Variants in ZNF804B observed in about 807,000 individuals in gnomAD.
The protein encoded by ZNF804B is zinc finger protein 804B.
In ZNF804B, 80 loss-of-function variants were observed where a neutral mutation model predicts 101.4. That is an observed-to-expected ratio of 0.79 (90% CI 0.66 to 0.95). The LOEUF (loss-of-function observed/expected upper bound fraction) is 0.95. Among genes scored for constraint, ZNF804B ranks in the 40% least tolerant of loss-of-function variants. The pLI, the probability that ZNF804B is intolerant of heterozygous loss-of-function variation, is 0.00. For missense variants in ZNF804B, 1,673 were observed against 1,561.9 expected, an observed-to-expected ratio of 1.07 and a Z score of -1.20; for synonymous variants, 622 against 558.8, an observed-to-expected ratio of 1.11 and a Z score of -1.59.
chr7:89,111,207 A>G (rs994810506), intron 1 of ZNF804B, among the ~76,000 whole-genome samples: 1 of 152,212 alleles, frequency 6.6e-6, no homozygotes, highest in African/African-American at 2.4e-5. Context: ...AGGTTTTTGT[A>G]TGGACATAAA....
chr7:89,042,396 G>C (rs1032481717), intron 1 of ZNF804B, among the ~76,000 whole-genome samples: 1 of 152,120 alleles, frequency 6.6e-6, no homozygotes, highest in Non-Finnish European at 1.5e-5. Flanking sequence ...ATGAAAAGTG[G>C]TTAAAGTTGT....
chr7:89,223,800 G>A (rs986051961), intron 2 of ZNF804B, among the ~76,000 whole-genome samples: 1 of 151,756 alleles, frequency 6.6e-6, no homozygotes, highest in African/African-American at 2.4e-5. Flanking sequence ...TTCTAGCTTT[G>A]ACAAGCCACT....
intron 1 of ZNF804B, among the ~76,000 whole-genome samples, chr7:89,078,810 C>G (rs1388027587): frequency 6.6e-6 from 1 of 151,812 alleles, no homozygotes; most frequent in African/African-American, 2.4e-5. Flanking sequence ...GTCTTTCTAA[C>G]CTCCCTTCTT....
chr7:88,878,600 AT>A (rs1218971684), intron 1 of ZNF804B, among the ~76,000 whole-genome samples: 5 of 152,228 alleles, frequency 3.3e-5, no homozygotes, highest in Non-Finnish European at 4.4e-5. Flanking sequence ...TTTCTTTTGC[AT>A]TTTTTTAATC....
intron 1 of ZNF804B, among the ~76,000 whole-genome samples, chr7:88,859,953 T>C (rs1430081206): frequency 4.0e-5 from 6 of 151,802 alleles, no homozygotes; most frequent in East Asian, 1.9e-4. Context: ...TGTAAATTTC[T>C]CTATTGAGAA....
chr7:89,228,843 C>T (rs34347305), intron 2 of ZNF804B, among the ~76,000 whole-genome samples: 18,608 of 152,122 alleles, frequency 0.12, 1,224 homozygotes, highest in Middle Eastern at 0.25. Context: ...GAGGCTCCGG[C>T]GGCACAGGGG....
chr7:88,857,798 T>A (rs1370986757), intron 1 of ZNF804B, among the ~76,000 whole-genome samples: 1 of 151,126 alleles, frequency 6.6e-6, no homozygotes, highest in East Asian at 1.9e-4. Context: ...CTTTCTTCCC[T>A]TTCTTTCTCC....
chr7:89,005,276 T>C (rs1012279563), intron 1 of ZNF804B, among the ~76,000 whole-genome samples: 1 of 152,038 alleles, frequency 6.6e-6, no homozygotes, highest in African/African-American at 2.4e-5. Context: ...TACAAAGCAC[T>C]GAGTGTCAGA....
intron 1 of ZNF804B, among the ~76,000 whole-genome samples, chr7:89,063,320 A>C (rs555168687): frequency 6.6e-6 from 1 of 152,292 alleles, no homozygotes; most frequent in East Asian, 1.9e-4. Context: ...TTTACTTATG[A>C]GAATAAATTC....
At chr7:89,235,916 T>TAAG (rs71526637) in intron 2 of ZNF804B, among the ~76,000 whole-genome samples, 25,722 of 151,972 alleles carry the variant, frequency 0.17, 2,788 homozygotes, top group African/African-American at 0.3. Context: ...AACATTAAAA[T>TAAG]AAGATAAAAA....
chr7:89,035,548 G>A (rs1788912672), intron 1 of ZNF804B, among the ~76,000 whole-genome samples: 1 of 151,966 alleles, frequency 6.6e-6, no homozygotes, highest in African/African-American at 2.4e-5. Flanking sequence ...CAGAATTAAA[G>A]CCCGGAAGCA....
chr7:89,213,169 A>T (rs2115683839), intron 1 of ZNF804B, among the ~76,000 whole-genome samples: 1 of 152,246 alleles, frequency 6.6e-6, no homozygotes, highest in South Asian at 2.1e-4. Context: ...CTCCAAAGCA[A>T]GTTTTCTGTT....
intron 1 of ZNF804B, among the ~76,000 whole-genome samples, chr7:89,084,401 G>A (rs1021852096): frequency 2.0e-5 from 3 of 151,846 alleles, no homozygotes; most frequent in Non-Finnish European, 4.4e-5. Flanking sequence ...CATACTATAG[G>A]TTTAAGCAGA....
chr7:89,050,416 A>G (rs1431385820), intron 1 of ZNF804B, among the ~76,000 whole-genome samples: 3 of 152,184 alleles, frequency 2.0e-5, no homozygotes, highest in African/African-American at 7.2e-5. Context: ...AATCAAAAAT[A>G]TAATTCAAAC....
chr7:89,178,407 A>G (rs1029041524), intron 1 of ZNF804B, among the ~76,000 whole-genome samples: 12 of 138,022 alleles, frequency 8.7e-5, no homozygotes, highest in African/African-American at 3.0e-4. Flanking sequence ...CTTGATTTTT[A>G]TTTTTTGTGT....
chr7:89,318,853 TCAGGGGTCTCA>T (rs1790770317), intron 2 of ZNF804B, among the ~76,000 whole-genome samples: 1 of 150,114 alleles, frequency 6.7e-6, no homozygotes, highest in African/African-American at 2.4e-5. Flanking sequence ...AAGTGGGAAA[TCAGGGGTCTCA>T]CAGCCTTCAG....
At chr7:88,778,823 G>A (rs951343849) in intron 1 of ZNF804B, among the ~76,000 whole-genome samples, 5 of 152,190 alleles carry the variant, frequency 3.3e-5, no homozygotes, top group African/African-American at 1.2e-4. Flanking sequence ...TGGAGCCGCC[G>A]ATATGCATAA....
Position 89,242,488 on chromosome 7 carries a change from C to A in ZNF804B, c.249+24193C>A, listed in dbSNP as rs925946686. ...GACACAGCTGACTATTTCTCATTTACCACCCCTACTTTTATGTTATCATGT... is the reference window on the plus strand; with the variant it reads ...GACACAGCTGACTATTTCTCATTTAACACCCCTACTTTTATGTTATCATGT... On this transcript the variant is annotated intron_variant, in intron 2 of 3. Transcript: ENST00000333190. Among the ~76,000 whole-genome samples the A allele has an allele frequency of 5.9e-5, 9 of 151,804 alleles. No individual in the cohort carries two copies. The East Asian group carries it at 1.6e-3, about 26-fold the overall frequency.
intron 2 of ZNF804B, among the ~76,000 whole-genome samples, chr7:89,256,717 A>G (rs1483512679): frequency 1.3e-5 from 2 of 152,200 alleles, no homozygotes; most frequent in East Asian, 3.8e-4. Context: ...AAAACATATG[A>G]AACAACACAT....
Sources: gnomAD v4.1 joint callset for allele counts (sites outside exome capture counted in the v4.1 genomes callset) on GRCh38, gnomAD v4.1.1 for gene constraint, MANE v1.5 for transcripts, NCBI Gene and HGNC (gene_info 2026-07-23, HGNC 2026-07-21) for gene names.